Variants in ABCC4 observed in about 807,000 individuals in gnomAD.
The protein encoded by ABCC4 is ATP-binding cassette sub-family C member 4.
ABCC4 carries 102 observed loss-of-function variants against 168.5 expected under a neutral mutation model. That is an observed-to-expected ratio of 0.61 (90% CI 0.52 to 0.71). The LOEUF (loss-of-function observed/expected upper bound fraction) is 0.71. Among genes scored for constraint, ABCC4 ranks in the 30% least tolerant of loss-of-function variants. The pLI, the probability that ABCC4 is intolerant of heterozygous loss-of-function variation, is 0.00. For synonymous variants in ABCC4, 617 were observed against 590.7 expected (o/e 1.04, Z -0.65); for missense variants, 1,402 against 1,605.8 (o/e 0.87, Z 2.17).
intron 19 of ABCC4, among the ~76,000 whole-genome samples, chr13:95,150,069 G>T (rs1009408498): frequency 1.2e-4 from 18 of 152,080 alleles, no homozygotes; most frequent in Non-Finnish European, 2.5e-4. Context: ...TAACATTTGG[G>T]CTCAAGCAAT....
intron 19 of ABCC4, among the ~76,000 whole-genome samples, chr13:95,126,672 A>AGGTTGTGTGCT (rs1227791514): frequency 1.4e-4 from 19 of 134,226 alleles, no homozygotes; most frequent in African/African-American, 5.4e-4. Flanking sequence ...TGTTACACCA[A>AGGTTGTGTGCT]ACTGTGTGCT....
chr13:95,225,989 AAG>A (rs2039454504), intron 4 of ABCC4, among the ~76,000 whole-genome samples: 1 of 149,476 alleles, frequency 6.7e-6, no homozygotes, highest in Non-Finnish European at 1.5e-5. Context: ...AAAAAAGAAA[AAG>A]AAATGTATAA....
intron 20 of ABCC4, among the ~76,000 whole-genome samples, chr13:95,097,729 G>A (rs1352190356): frequency 7.0e-6 from 1 of 142,404 alleles, no homozygotes; most frequent in East Asian, 2.1e-4. Flanking sequence ...ATTACAACAA[G>A]GCTAATTAGA....
At chr13:95,200,918 T>TAAACA (rs2038606307) in intron 8 of ABCC4, among the ~76,000 whole-genome samples, 1 of 151,886 alleles carries the variant, frequency 6.6e-6, no homozygotes, top group African/African-American at 2.4e-5. Flanking sequence ...AACAAACAAA[T>TAAACA]AAACAAAACA....
intron 22 of ABCC4, 144 bp downstream of exon 22, chr13:95,075,288 G>C (rs1015799704): frequency 1.9e-6 from 2 of 1,048,042 alleles, no homozygotes; most frequent in Non-Finnish European, 2.8e-6. Context: ...AAGGGGATGG[G>C]GAAGGAGACG....
intron 1 of ABCC4, among the ~76,000 whole-genome samples, chr13:95,293,189 C>G (rs1210157704): frequency 6.6e-6 from 1 of 151,946 alleles, no homozygotes; most frequent in African/African-American, 2.4e-5. Context: ...AAAACCCTGT[C>G]TCTAACAACA....
At chr13:95,072,496 A>G (rs1318336969) in intron 24 of ABCC4, among the ~76,000 whole-genome samples, 10 of 152,222 alleles carry the variant, frequency 6.6e-5, no homozygotes, top group Non-Finnish European at 1.5e-4. Context: ...ATCTTTTGCT[A>G]TAGAAGGATC....
chr13:95,226,506 G>A (rs889223878), intron 4 of ABCC4, among the ~76,000 whole-genome samples: 1 of 152,080 alleles, frequency 6.6e-6, no homozygotes, highest in Admixed American at 6.5e-5. Flanking sequence ...AATTCAATGG[G>A]GAAAGAGTAG....
At chr13:95,273,855 G>A (rs1594423050) in intron 1 of ABCC4, among the ~76,000 whole-genome samples, 1 of 119,858 alleles carries the variant, frequency 8.3e-6, no homozygotes, top group Non-Finnish European at 1.6e-5. Flanking sequence ...TCTTGCTGTT[G>A]CCCAGGCTGG....
intron 8 of ABCC4, among the ~76,000 whole-genome samples, chr13:95,204,013 G>A (rs1397830862): frequency 1.3e-5 from 2 of 152,166 alleles, no homozygotes; most frequent in East Asian, 1.9e-4. Flanking sequence ...ATGCTGAGCT[G>A]CACCGTACTG....
At chr13:95,091,516 T>C (rs1043012789) in intron 20 of ABCC4, among the ~76,000 whole-genome samples, 2 of 152,086 alleles carry the variant, frequency 1.3e-5, no homozygotes, top group African/African-American at 4.8e-5. Flanking sequence ...AAAACAATGA[T>C]CAGCCAAGAA....
intron 4 of ABCC4, among the ~76,000 whole-genome samples, chr13:95,211,350 A>T (rs536987464): frequency 6.6e-6 from 1 of 152,190 alleles, no homozygotes; most frequent in Non-Finnish European, 1.5e-5. Flanking sequence ...AGGGCTAGGT[A>T]TGTCCAGACA....
chr13:95,151,602 GAGAAGGAGAAGGAGA>G (rs746056066), intron 19 of ABCC4, among the ~76,000 whole-genome samples: 86 of 83,388 alleles, frequency 1.0e-3, no homozygotes, highest in Non-Finnish European at 1.8e-3. Context: ...GAAGGAGGAG[GAGAAGGAGAAGGAGA>G]AGAAGGAGAA....
At chr13:95,227,105 A>T (rs1369256350) in intron 4 of ABCC4, among the ~76,000 whole-genome samples, 1 of 152,178 alleles carries the variant, frequency 6.6e-6, no homozygotes, top group Non-Finnish European at 1.5e-5. Context: ...ATTTTCTTCC[A>T]GTTTGCACCC....
chr13:95,123,403 C>T (rs1055194806), intron 19 of ABCC4, among the ~76,000 whole-genome samples: 1 of 152,160 alleles, frequency 6.6e-6, no homozygotes, highest in Non-Finnish European at 1.5e-5. Flanking sequence ...CACTCTGTTG[C>T]CCAGGCTGAA....
chr13:95,165,232 G>T (rs552394068), intron 15 of ABCC4, among the ~76,000 whole-genome samples: 1 of 152,146 alleles, frequency 6.6e-6, no homozygotes, highest in African/African-American at 2.4e-5. Flanking sequence ...AGAGCAGGGG[G>T]TCAAAACATG....
At chr13:95,231,178 G>T (rs1340345669) in intron 4 of ABCC4, among the ~76,000 whole-genome samples, 2 of 152,198 alleles carry the variant, frequency 1.3e-5, no homozygotes, top group African/African-American at 4.8e-5. Flanking sequence ...CTGGGAAGAT[G>T]AACAAATTCT....
intron 27 of ABCC4, among the ~76,000 whole-genome samples, chr13:95,052,720 A>G (rs569654646): frequency 1.3e-5 from 2 of 152,360 alleles, no homozygotes; most frequent in African/African-American, 4.8e-5. Context: ...AAAAACGACT[A>G]TGGTCTTCCC....
chr13:95,218,941 GAA>G (rs1174528869), intron 4 of ABCC4, among the ~76,000 whole-genome samples: 126 of 30,414 alleles, frequency 4.1e-3, no homozygotes, highest in African/African-American at 0.015. Flanking sequence ...AAGAAAGAAA[GAA>G]AGAAAGAAAG....
Sources: allele counts gnomAD v4.1 joint callset (sites outside exome capture counted in the v4.1 genomes callset), GRCh38; gene constraint gnomAD v4.1.1; transcripts MANE v1.5; gene names NCBI Gene and HGNC (gene_info 2026-07-23, HGNC 2026-07-21).